LRRC7: variants seen among roughly 807,000 people sequenced by gnomAD.
LRRC7 encodes the protein leucine rich repeat containing 7, also known as leucine-rich repeat-containing protein 7.
LRRC7 carries 23 observed loss-of-function variants against 175.7 expected under a neutral mutation model. The ratio of observed to expected loss-of-function variants is 0.13; its 90% CI spans 0.09 to 0.19. The LOEUF is 0.19. LRRC7 is among the 10% of genes least tolerant of loss of function. The probability of loss-of-function intolerance (pLI) is 1.00; values close to 1 mark genes in which losing one functional copy is unlikely to be tolerated. For missense variants in LRRC7, 1,354 were observed against 1,904.7 expected (o/e 0.71, Z 5.38); for synonymous variants, 685 against 680.9 (o/e 1.01, Z -0.09).
At chr1:69,888,692 C>G (rs921819180) in intron 7 of LRRC7, among the ~76,000 whole-genome samples, 2 of 151,828 alleles carry the variant, frequency 1.3e-5, no homozygotes, top group African/African-American at 2.4e-5. Context: ...AAGAAAAATA[C>G]TACATGATCT....
rs1653726321 is a variant in LRRC7, at chr1:69,984,301, CAT to C, written c.787-1939_787-1938del. Among the ~76,000 whole-genome samples, 5 of 152,072 alleles carry C rather than the reference CAT, an allele frequency of 3.3e-5. No individual in the cohort carries two copies. The South Asian group carries it at 1.0e-3, about 32-fold the overall frequency. Reference sequence around the variant, plus strand: ...CCGAACACATTTTGGGTAGCAAAAACATAAAATATTGAATCAAATAATATATA... The same window carrying C: ...CCGAACACATTTTGGGTAGCAAAAACAAAATATTGAATCAAATAATATATA... On this transcript the variant is annotated intron_variant, in intron 9 of 26. Transcript: ENST00000651989.
intron 1 of LRRC7, among the ~76,000 whole-genome samples, chr1:69,570,019 C>G (rs969145476): frequency 2.6e-5 from 4 of 151,652 alleles, no homozygotes; most frequent in African/African-American, 4.8e-5. Flanking sequence ...ATCGAATTTA[C>G]CTGCAGTGGT....
At chr1:69,665,784 C>T (rs2100551653) in intron 1 of LRRC7, among the ~76,000 whole-genome samples, 1 of 152,112 alleles carries the variant, frequency 6.6e-6, no homozygotes, top group African/African-American at 2.4e-5. Context: ...GATAATTTGA[C>T]TTCTTCCTTT....
chr1:69,811,158 CAT>C (rs1196816288), intron 4 of LRRC7, among the ~76,000 whole-genome samples: 1 of 152,094 alleles, frequency 6.6e-6, no homozygotes, highest in Non-Finnish European at 1.5e-5. Context: ...AGCCAACAAA[CAT>C]ATGAAAAAAA....
intron 8 of LRRC7, among the ~76,000 whole-genome samples, chr1:69,957,836 A>T (rs1170005059): frequency 6.6e-6 from 1 of 151,956 alleles, no homozygotes; most frequent in African/African-American, 2.4e-5. Context: ...CCAATAAAAA[A>T]TAATGACCTT....
At chr1:69,792,275 G>C (rs1206376657) in intron 4 of LRRC7, 115 bp downstream of exon 4, 3 of 647,610 alleles carry the variant, frequency 4.6e-6, no homozygotes, top group Non-Finnish European at 8.1e-6. Flanking sequence ...TGTTGCAACT[G>C]TAGTTTAATG....
At chr1:69,940,989 G>A (rs1424964721) in intron 8 of LRRC7, among the ~76,000 whole-genome samples, 3 of 152,078 alleles carry the variant, frequency 2.0e-5, no homozygotes, top group South Asian at 4.1e-4. Flanking sequence ...AGTCTGGCTG[G>A]GTAAGCTTCA....
chr1:70,102,402 A>T (rs1388144770), intron 25 of LRRC7, among the ~76,000 whole-genome samples: 4 of 152,240 alleles, frequency 2.6e-5, no homozygotes, highest in Non-Finnish European at 5.9e-5. Context: ...TGTCCTTTCA[A>T]TATACTCTAA....
At chr1:70,117,995 A>G (rs1267259604) in intron 26 of LRRC7, among the ~76,000 whole-genome samples, 1 of 151,830 alleles carries the variant, frequency 6.6e-6, no homozygotes, top group Non-Finnish European at 1.5e-5. Flanking sequence ...TCAAAGCATC[A>G]TTGGGTTTAT....
Position 70,039,572 on chromosome 1 carries a change from G to A in LRRC7, c.3748G>A (p.Ala1250Thr), listed in dbSNP as rs202046491. Residue 1250 changes from alanine (A) to threonine (T), a missense_variant, in exon 21 of 27, where the codon GCC becomes ACC. Ala to Thr is a moderately conservative substitution (Grantham distance 58). Coordinates refer to ENST00000651989, the MANE Select transcript of LRRC7 (RefSeq NM_001370785.2). ...AAGCTACAGTACAGAGAGTTACGGTGCCTCCCAAACCAGGCCAGTTTCAGC... is the reference window on the plus strand; with the variant it reads ...AAGCTACAGTACAGAGAGTTACGGTACCTCCCAAACCAGGCCAGTTTCAGC... ...ARSYSTESYG[A>T]SQTRPVSARP... The A allele has an allele frequency of 1.7e-5, 27 of 1,613,944 alleles. No individual in the cohort carries two copies. The highest frequency in any genetic ancestry group is 2.3e-5 in the Non-Finnish European group (27 of 1,179,996).
chr1:69,694,391 T>C (rs1274681632), intron 2 of LRRC7, among the ~76,000 whole-genome samples: 7 of 152,220 alleles, frequency 4.6e-5, no homozygotes, highest in Admixed American at 3.9e-4. Context: ...TCTGGACTTG[T>C]TATCCATAGC....
intron 24 of LRRC7, among the ~76,000 whole-genome samples, chr1:70,083,107 A>T (rs1374999960): frequency 6.6e-6 from 1 of 152,116 alleles, no homozygotes; most frequent in Non-Finnish European, 1.5e-5. Flanking sequence ...TTTTGGAAAG[A>T]TTTAACTAGG....
intron 23 of LRRC7, among the ~76,000 whole-genome samples, chr1:70,070,156 G>T (rs1224800178): frequency 2.0e-5 from 3 of 151,980 alleles, no homozygotes; most frequent in Admixed American, 1.3e-4. Flanking sequence ...ACCACACCTG[G>T]CTAATTTTTT....
At chr1:69,873,078 C>A (rs182592914) in intron 7 of LRRC7, among the ~76,000 whole-genome samples, 1 of 152,062 alleles carries the variant, frequency 6.6e-6, no homozygotes, top group Admixed American at 6.5e-5. Context: ...GTTAATCATG[C>A]TTGTTATCTC....
At chr1:69,753,897 C>T (rs1670120015) in intron 2 of LRRC7, among the ~76,000 whole-genome samples, 1 of 151,980 alleles carries the variant, frequency 6.6e-6, no homozygotes, top group Non-Finnish European at 1.5e-5. Flanking sequence ...AGTCATTCTC[C>T]CTTTTTAATT....
At chr1:70,039,943 C>A in intron 21 of LRRC7, 150 bp downstream of exon 21, 1 of 1,091,872 alleles carries the variant, frequency 9.2e-7, no homozygotes, top group Non-Finnish European at 1.3e-6. Flanking sequence ...GAAAATGGAT[C>A]ATAATAGTTT....
intron 2 of LRRC7, among the ~76,000 whole-genome samples, chr1:69,730,828 A>G (rs1028184175): frequency 2.6e-5 from 4 of 152,142 alleles, no homozygotes; most frequent in Admixed American, 6.6e-5. Flanking sequence ...CATACTACTA[A>G]TAAAGATATA....
chr1:69,978,946 A>AC (rs1484977550), intron 8 of LRRC7, among the ~76,000 whole-genome samples: 1 of 151,886 alleles, frequency 6.6e-6, no homozygotes, highest in Non-Finnish European at 1.5e-5. Context: ...AAAAAAAAAA[A>AC]AAAAACAGAA....
rs116859525 is a variant in LRRC7, at chr1:69,604,903, G to T, written c.2+36262G>T. 4.5e-3 allele frequency among the ~76,000 whole-genome samples: 684 copies of T among 152,200 alleles called. 50 individuals are homozygous for T. In the East Asian group the frequency reaches 0.12, roughly 27 times the overall value. On this transcript the variant is annotated intron_variant, in intron 1 of 26. Coordinates refer to ENST00000651989, the MANE Select transcript of LRRC7 (RefSeq NM_001370785.2). Reference sequence around the variant, plus strand: ...AAATTAGAAAAGACACTTCATGCACGTGTAACAAAATGTTAAAACTAGTCT... The same window carrying T: ...AAATTAGAAAAGACACTTCATGCACTTGTAACAAAATGTTAAAACTAGTCT...
Sources: allele counts gnomAD v4.1 joint callset (sites outside exome capture counted in the v4.1 genomes callset), GRCh38; gene constraint gnomAD v4.1.1; transcripts MANE v1.5; gene names NCBI Gene and HGNC (gene_info 2026-07-23, HGNC 2026-07-21).